LRRC8D: variants seen among roughly 807,000 people sequenced by gnomAD.
The protein encoded by LRRC8D is volume-regulated anion channel subunit LRRC8D.
Under a neutral mutation model 55.8 loss-of-function variants are expected in LRRC8D, and 20 were observed. That is an observed-to-expected ratio of 0.36 (90% CI 0.25 to 0.52). The LOEUF (loss-of-function observed/expected upper bound fraction) is 0.52. Ranked by LOEUF, LRRC8D falls within the 20% of genes least tolerant of loss-of-function variation. The pLI is 0.93. For synonymous variants in LRRC8D, 352 were observed against 377.0 expected, an observed-to-expected ratio of 0.93 and a Z score of 0.77; for missense variants, 651 against 1,030.8, an observed-to-expected ratio of 0.63 and a Z score of 5.05.
At chr1:89,849,414 C>T (rs1027717039) in intron 2 of LRRC8D, among the ~76,000 whole-genome samples, 1 of 151,682 alleles carries the variant, frequency 6.6e-6, no homozygotes, top group African/African-American at 2.4e-5. Context: ...TATATGCGTA[C>T]TAGGAACTGC....
At chr1:89,825,784 T>A (rs1660747821) in intron 1 of LRRC8D, among the ~76,000 whole-genome samples, 1 of 152,188 alleles carries the variant, frequency 6.6e-6, no homozygotes, top group Non-Finnish European at 1.5e-5. Context: ...AGGTAAGAAA[T>A]CCCAGGTACC....
intron 2 of LRRC8D, among the ~76,000 whole-genome samples, chr1:89,866,849 C>A (rs778804352): frequency 6.6e-6 from 1 of 151,976 alleles, no homozygotes; most frequent in East Asian, 1.9e-4. Flanking sequence ...GAGTTAAGGG[C>A]GGCATGAGGA....
intron 1 of LRRC8D, among the ~76,000 whole-genome samples, chr1:89,837,159 G>C (rs1469187380): frequency 6.6e-6 from 1 of 152,212 alleles, no homozygotes; most frequent in Non-Finnish European, 1.5e-5. Context: ...CAATCCTGGA[G>C]CCTTGAAATC....
chr1:89,914,215 A>T (rs1178595529), intron 2 of LRRC8D, among the ~76,000 whole-genome samples: 1 of 152,228 alleles, frequency 6.6e-6, no homozygotes, highest in Non-Finnish European at 1.5e-5. Context: ...TCTTGGTCTT[A>T]CTGACTTCAA....
At chr1:89,869,086 T>A (rs184674844) in intron 2 of LRRC8D, among the ~76,000 whole-genome samples, 3 of 152,146 alleles carry the variant, frequency 2.0e-5, no homozygotes, top group Non-Finnish European at 4.4e-5. Flanking sequence ...TTTGTACTTT[T>A]AGCAGAGATG....
At chr1:89,842,903 A>G (rs936803910) in intron 1 of LRRC8D, 2 of 152,254 alleles carry the variant, frequency 1.3e-5, no homozygotes, top group African/African-American at 4.8e-5. Flanking sequence ...TGGTATATAT[A>G]AATGTTGGTA....
intron 1 of LRRC8D, among the ~76,000 whole-genome samples, chr1:89,836,995 C>A (rs1249940575): frequency 6.6e-6 from 1 of 152,104 alleles, no homozygotes. Flanking sequence ...TGTTTCTAGC[C>A]TGCTTAACTT....
chr1:89,877,106 G>C (rs1422039086), intron 2 of LRRC8D, among the ~76,000 whole-genome samples: 2 of 152,236 alleles, frequency 1.3e-5, no homozygotes, highest in Non-Finnish European at 2.9e-5. Context: ...ATTGGGATTG[G>C]CTGTAAAATG....
intron 2 of LRRC8D, among the ~76,000 whole-genome samples, chr1:89,864,702 A>G (rs1425546163): frequency 2.0e-5 from 3 of 152,074 alleles, no homozygotes; most frequent in African/African-American, 7.2e-5. Context: ...GAACTCCTTA[A>G]TAAGGAGTTA....
intron 2 of LRRC8D, among the ~76,000 whole-genome samples, chr1:89,853,571 C>G (rs12046264): frequency 1.3e-5 from 2 of 152,090 alleles, no homozygotes; most frequent in Non-Finnish European, 2.9e-5. Context: ...ACAATTCTTA[C>G]AACAATCTCC....
chr1:89,865,162 T>A (rs1661810828), intron 2 of LRRC8D, among the ~76,000 whole-genome samples: 1 of 152,080 alleles, frequency 6.6e-6, no homozygotes, highest in Admixed American at 6.5e-5. Flanking sequence ...CACAGTAGGA[T>A]CTCCCGTGTT....
chr1:89,822,767 C>T (rs945361293), intron 1 of LRRC8D, among the ~76,000 whole-genome samples: 5 of 152,156 alleles, frequency 3.3e-5, no homozygotes, highest in Non-Finnish European at 7.3e-5. Flanking sequence ...TGCACCATAT[C>T]CTGTAAATGG....
intron 2 of LRRC8D, among the ~76,000 whole-genome samples, chr1:89,917,981 T>C (rs540674695): frequency 9.8e-5 from 15 of 152,324 alleles, no homozygotes; most frequent in African/African-American, 3.4e-4. Context: ...AGGAAATATG[T>C]CTGAATTTAC....
chr1:89,836,371 C>G (rs1352164169), intron 1 of LRRC8D, among the ~76,000 whole-genome samples: 2 of 152,222 alleles, frequency 1.3e-5, no homozygotes, highest in Non-Finnish European at 2.9e-5. Flanking sequence ...TAGCTTGCTT[C>G]TCTCTGCCTT....
chr1:89,931,258 G>GAAAAA (rs772353702), intron 2 of LRRC8D, among the ~76,000 whole-genome samples: 1 of 70,484 alleles, frequency 1.4e-5, no homozygotes, highest in African/African-American at 5.2e-5. Context: ...AAGGGTTTCG[G>GAAAAA]AAAAAAAAAA....
intron 2 of LRRC8D, among the ~76,000 whole-genome samples, chr1:89,875,066 C>T (rs1050722301): frequency 6.6e-6 from 1 of 152,122 alleles, no homozygotes; most frequent in Admixed American, 6.6e-5. Flanking sequence ...CCCATCCTTA[C>T]TTCTCAAGAA....
At chr1:89,918,762 TA>T (rs1663339951) in intron 2 of LRRC8D, among the ~76,000 whole-genome samples, 1 of 152,228 alleles carries the variant, frequency 6.6e-6, no homozygotes, top group South Asian at 2.1e-4. Flanking sequence ...AATGACCTGT[TA>T]AAAAGAGTTC....
rs1357764271 is a variant in LRRC8D at position 89,933,389 on chromosome 1, T to G, written c.321T>G (p.Pro107=). The part of the protein sequence containing the change: ...DISFGTSAVT[P]DIPLRATYPR... The stretch of plus-strand genomic sequence containing the variant: ...CCTTTGGGACATCTGCTGTGACACC[T>G]GACATACCTCTCAGAGCCACATATC... Residue 107 remains proline, a synonymous_variant, in exon 3 of 3, where the codon CCT becomes CCG. Coordinates refer to ENST00000337338, the MANE Select transcript of LRRC8D (RefSeq NM_001134479.2). The surrounding 1 kb of genome is among the most constrained non-coding windows in gnomAD (Gnocchi z 7.0). 6.2e-7 allele frequency: 1 copy of G among 1,614,100 alleles called. No homozygotes were observed. The highest frequency in any genetic ancestry group is 1.7e-5 in the Admixed American group (1 of 60,020).
intron 2 of LRRC8D, among the ~76,000 whole-genome samples, chr1:89,930,615 A>G (rs111856108): frequency 3.3e-5 from 5 of 152,174 alleles, no homozygotes; most frequent in East Asian, 1.9e-4. Flanking sequence ...AAAAAAATCT[A>G]TTGTTCCTAT....
Sources: gnomAD v4.1 joint callset for allele counts (sites outside exome capture counted in the v4.1 genomes callset) on GRCh38, gnomAD v4.1.1 for gene constraint, Gnocchi (gnomAD v3.1) non-coding constraint, MANE v1.5 for transcripts, NCBI Gene and HGNC (gene_info 2026-07-23, HGNC 2026-07-21) for gene names.